Variants in SOX5 observed in about 807,000 individuals in gnomAD.
SOX5 encodes the protein SRY-box transcription factor 5.
Under a neutral mutation model 92.0 loss-of-function variants are expected in SOX5, and 9 were observed. The observed-to-expected ratio is 0.10, with a 90% CI of 0.06 to 0.17. The LOEUF (loss-of-function observed/expected upper bound fraction) is 0.17. Among genes scored for constraint, SOX5 ranks in the 10% least tolerant of loss-of-function variants. The probability of loss-of-function intolerance (pLI) is 1.00; values close to 1 mark genes in which losing one functional copy is unlikely to be tolerated. For missense variants in SOX5, 642 were observed against 944.5 expected (o/e 0.68, Z 4.20); for synonymous variants, 344 against 336.3 (o/e 1.02, Z -0.25).
At chr12:24,031,024 T>C (rs948111089) in intron 4 of SOX5, among the ~76,000 whole-genome samples, 1 of 151,730 alleles carries the variant, frequency 6.6e-6, no homozygotes, top group South Asian at 2.1e-4. Context: ...AATGCTATTA[T>C]GAAAAAGACG....
intron 4 of SOX5, among the ~76,000 whole-genome samples, chr12:24,016,686 T>A (rs1953660087): frequency 6.6e-6 from 1 of 152,228 alleles, no homozygotes; most frequent in Non-Finnish European, 1.5e-5. Context: ...CCCAAAGAGT[T>A]TGGCGTCCGC....
chr12:23,556,342 A>G (rs76556586), intron 11 of SOX5, among the ~76,000 whole-genome samples: 2,081 of 152,314 alleles, frequency 0.014, 55 homozygotes, highest in African/African-American at 0.047. Context: ...ATTCAACTTC[A>G]GGTTTTGTGT....
chr12:23,862,494 A>G (rs1165978090), intron 2 of SOX5, among the ~76,000 whole-genome samples: 1 of 152,220 alleles, frequency 6.6e-6, no homozygotes, highest in Non-Finnish European at 1.5e-5. Context: ...AATCTGGCCA[A>G]CGAAGACTGG....
chr12:23,698,351 C>T (rs1319208629), intron 6 of SOX5, among the ~76,000 whole-genome samples: 1 of 152,148 alleles, frequency 6.6e-6, no homozygotes, highest in Non-Finnish European at 1.5e-5. Flanking sequence ...TCTTCCTTCA[C>T]CCCACTTCAC....
intron 1 of SOX5, chr12:23,920,694 G>A (rs1475443164): frequency 6.6e-6 from 1 of 152,120 alleles, no homozygotes; most frequent in Non-Finnish European, 1.5e-5. Flanking sequence ...CTGTCTATAA[G>A]TGGGAGAAAA....
At chr12:23,572,986 G>C (rs1415571937) in intron 10 of SOX5, among the ~76,000 whole-genome samples, 1 of 152,120 alleles carries the variant, frequency 6.6e-6, no homozygotes, top group Non-Finnish European at 1.5e-5. Context: ...CACTCCTTCA[G>C]ACTTCATTCT....
Position 24,529,244 on chromosome 12 carries a change from A to G in SOX5, c.-251+33085T>C, listed in dbSNP as rs561635354. Reference sequence around the variant, plus strand: ...TAAAAGACTCTCTGAGAAAAGAAAGATTACACGTGGCTTCCATGAATTCAG... The same window carrying G: ...TAAAAGACTCTCTGAGAAAAGAAAGGTTACACGTGGCTTCCATGAATTCAG... On this transcript the variant is annotated intron_variant, in intron 1 of 4. Transcript: ENST00000446891. Among the ~76,000 whole-genome samples, 3 of 152,334 alleles carry G rather than the reference A, an allele frequency of 2.0e-5. No homozygotes were observed. The East Asian group carries it at 5.8e-4, about 29-fold the overall frequency.
chr12:24,404,173 T>C (rs1293813359), intron 1 of SOX5, among the ~76,000 whole-genome samples: 2 of 152,224 alleles, frequency 1.3e-5, no homozygotes, highest in Non-Finnish European at 2.9e-5. Flanking sequence ...GCTAACAGTT[T>C]ACCCTTTTCC....
At chr12:23,991,766 T>C (rs1950581143) in intron 4 of SOX5, among the ~76,000 whole-genome samples, 1 of 151,526 alleles carries the variant, frequency 6.6e-6, no homozygotes, top group Non-Finnish European at 1.5e-5. Flanking sequence ...TTTTTTTTAC[T>C]TTATACATAA....
At position 23,779,810 on chromosome 12, in the gene SOX5, T is replaced by TACAC. The variant is rs1333274564; in HGVS notation, c.482-24087_482-24086insGTGT. On this transcript the variant is annotated intron_variant, in intron 3 of 14. Coordinates refer to ENST00000451604, the MANE Select transcript of SOX5 (RefSeq NM_006940.6). ...TAAAATATATATATATATATATATA[T>TACAC]ATATACACACACACACACACACACA... 1.6e-3 allele frequency among the ~76,000 whole-genome samples: 155 copies of TACAC among 98,612 alleles called. 1 individual carries two copies. Among genetic ancestry groups the TACAC allele is most frequent in the African/African-American group, 6.2e-3 (141 of 22,594 alleles). 64.7% of individuals were successfully genotyped at this position (98,612 alleles called of 152,430 possible).
intron 2 of SOX5, among the ~76,000 whole-genome samples, chr12:23,852,046 A>G (rs1292141728): frequency 3.9e-5 from 6 of 152,170 alleles, no homozygotes. Flanking sequence ...AGGAATGCTT[A>G]TATTATATAT....
rs1011384771 is a variant in SOX5 at position 23,992,062 on chromosome 12, C to A, written c.-1-96038G>T. Among the ~76,000 whole-genome samples the A allele has an allele frequency of 2.0e-5, 3 of 151,968 alleles. No homozygotes were observed. In the East Asian group the frequency reaches 5.8e-4, roughly 29 times the overall value. Reference sequence around the variant, plus strand: ...AAAAACAAAAATAAGAAATTGACAGCCCTCAGAAACCCAGATCAGTATTGG... The same window carrying A: ...AAAAACAAAAATAAGAAATTGACAGACCTCAGAAACCCAGATCAGTATTGG... On this transcript the variant is annotated intron_variant, in intron 4 of 4. Transcript: ENST00000446891.
At chr12:24,259,613 A>G (rs552571873) in intron 3 of SOX5, among the ~76,000 whole-genome samples, 2 of 152,356 alleles carry the variant, frequency 1.3e-5, no homozygotes, top group African/African-American at 2.4e-5. Flanking sequence ...AACAGCTAAG[A>G]TCAATGACAA....
At chr12:24,185,673 A>C (rs1172187973) in intron 4 of SOX5, among the ~76,000 whole-genome samples, 1 of 152,144 alleles carries the variant, frequency 6.6e-6, no homozygotes, top group Non-Finnish European at 1.5e-5. Context: ...TCTGTTCCAT[A>C]ATTTCCTCAG....
intron 1 of SOX5, among the ~76,000 whole-genome samples, chr12:24,452,897 A>C (rs1225928479): frequency 6.6e-6 from 1 of 152,204 alleles, no homozygotes; most frequent in African/African-American, 2.4e-5. Context: ...ACATTCAGGG[A>C]ATATAAGGTC....
chr12:24,169,350 T>C (rs1238088057), intron 4 of SOX5, among the ~76,000 whole-genome samples: 2 of 152,224 alleles, frequency 1.3e-5, no homozygotes, highest in Non-Finnish European at 2.9e-5. Flanking sequence ...CAAATCATTA[T>C]TGTCAAAATC....
chr12:24,352,620 A>G (rs1954233500), intron 2 of SOX5, among the ~76,000 whole-genome samples: 1 of 152,198 alleles, frequency 6.6e-6, no homozygotes, highest in African/African-American at 2.4e-5. Context: ...TGGTTTTTTT[A>G]TCTAGTCAAA....
In SOX5 at chr12:23,619,165, C is replaced by T. The variant is rs544125243; in HGVS notation, c.1018-14632G>A. The stretch of plus-strand genomic sequence containing the variant: ...TTTTTCTTCCTCCTTCCCTCATAAA[C>T]CTTTAAGATTAAGAAAGTATCACAT... On this transcript the variant is annotated intron_variant, in intron 8 of 14. Transcript: ENST00000451604. Among the ~76,000 whole-genome samples the T allele has an allele frequency of 1.2e-4, 19 of 152,186 alleles. No homozygotes were observed. In the South Asian group the frequency reaches 3.7e-3, roughly 30 times the overall value.
chr12:24,213,236 AG>A (rs1014401220), intron 4 of SOX5: 4 of 152,202 alleles, frequency 2.6e-5, no homozygotes, highest in African/African-American at 9.6e-5. Flanking sequence ...TTGCAAACCA[AG>A]AACAACTCAA....
Sources: allele counts gnomAD v4.1 joint callset (sites outside exome capture counted in the v4.1 genomes callset), GRCh38; gene constraint gnomAD v4.1.1; transcripts MANE v1.5; gene names NCBI Gene and HGNC (gene_info 2026-07-23, HGNC 2026-07-21).